Variants in CTSO observed in about 807,000 individuals in gnomAD.
CTSO encodes cathepsin O.
In CTSO, 40 loss-of-function variants were observed where a neutral mutation model predicts 42.4. The ratio of observed to expected loss-of-function variants is 0.94; its 90% CI spans 0.73 to 1.23. CTSO has a LOEUF of 1.23. Among genes scored for constraint, CTSO ranks in the 50% most tolerant of loss-of-function variants. The probability of loss-of-function intolerance (pLI) is 0.00; values close to 1 mark genes in which losing one functional copy is unlikely to be tolerated. For missense variants in CTSO, 441 were observed against 396.0 expected (o/e 1.11, Z -0.96); for synonymous variants, 156 against 146.2 (o/e 1.07, Z -0.48).
At chr4:155,942,287 G>A in intron 3 of CTSO, 30 bp downstream of exon 3, 1 of 1,531,050 alleles carries the variant, frequency 6.5e-7, no homozygotes, top group Non-Finnish European at 8.8e-7. Context: ...ATGCTTAGAT[G>A]ATTAGAAAAG....
chr4:155,949,293 T>C (rs112859066), intron 1 of CTSO, among the ~76,000 whole-genome samples: 2,674 of 152,330 alleles, frequency 0.018, 41 homozygotes, highest in Non-Finnish European at 0.028. Context: ...GCAAGAAATC[T>C]ACTGAAGCGT....
intron 2 of CTSO, 32 bp downstream of exon 2, chr4:155,943,124 G>A (rs867301072): frequency 3.9e-6 from 5 of 1,295,654 alleles, no homozygotes; most frequent in Non-Finnish European, 5.5e-6. Flanking sequence ...TTAAAATCAG[G>A]AAACCACCTA....
At chr4:155,945,715 C>A (rs1271428321) in intron 1 of CTSO, among the ~76,000 whole-genome samples, 1 of 152,130 alleles carries the variant, frequency 6.6e-6, no homozygotes, top group Non-Finnish European at 1.5e-5. Context: ...AACTACATAC[C>A]AGTATCCCTC....
intron 5 of CTSO, among the ~76,000 whole-genome samples, chr4:155,932,401 C>T (rs565979220): frequency 6.6e-6 from 1 of 152,208 alleles, no homozygotes; most frequent in South Asian, 2.1e-4. Context: ...ATCCACCATA[C>T]ATGGAAATAA....
chr4:155,944,159 T>C (rs909470159), intron 1 of CTSO, among the ~76,000 whole-genome samples: 19 of 152,224 alleles, frequency 1.2e-4, no homozygotes, highest in Admixed American at 6.5e-5. Context: ...TGACACACAA[T>C]AGATCCTTGA....
chr4:155,931,645 T>C (rs1215217967), intron 5 of CTSO, among the ~76,000 whole-genome samples: 1 of 152,102 alleles, frequency 6.6e-6, no homozygotes, highest in Non-Finnish European at 1.5e-5. Flanking sequence ...TAATTTCCAT[T>C]ATTAACCCAA....
At chr4:155,929,430 T>A in intron 6 of CTSO, 112 bp downstream of exon 6, 3 of 1,063,340 alleles carry the variant, frequency 2.8e-6, no homozygotes, top group Non-Finnish European at 4.0e-6. Flanking sequence ...GTGAAGGTCT[T>A]ATGAGGACTT....
intron 5 of CTSO, among the ~76,000 whole-genome samples, chr4:155,935,153 G>A (rs930663541): frequency 6.6e-6 from 1 of 152,080 alleles, no homozygotes; most frequent in Non-Finnish European, 1.5e-5. Flanking sequence ...GGGTTTATCG[G>A]GGGTTACGCT....
chr4:155,928,344 T>C lies in CTSO; in HGVS notation c.923A>G (p.Asn308Ser), dbSNP rs752109298. ...ACAAACTCATGACTTACCACAAACA[T>C]TACTTCCCATTTTGACATGGGCATA... ...DGYAHVKMGS[N>S]VCGIADSVSS... Residue 308 changes from asparagine to serine, a missense_variant, in exon 7 of 8, where the codon AAT becomes AGT. Coordinates refer to ENST00000433477, the MANE Select transcript of CTSO (RefSeq NM_001334.3). 1.2e-5 allele frequency: 20 copies of C among 1,610,500 alleles called. No homozygotes were observed. Among genetic ancestry groups the C allele is most frequent in the African/African-American group, 4.0e-5 (3 of 74,794 alleles).
At chr4:155,932,770 G>A (rs563311901) in intron 5 of CTSO, among the ~76,000 whole-genome samples, 11 of 152,168 alleles carry the variant, frequency 7.2e-5, no homozygotes, top group Admixed American at 3.9e-4. Flanking sequence ...CTGCTGCCCC[G>A]GTTCTCTCAT....
intron 3 of CTSO, among the ~76,000 whole-genome samples, chr4:155,941,163 G>A (rs1259987371): frequency 6.6e-6 from 1 of 152,216 alleles, no homozygotes; most frequent in Non-Finnish European, 1.5e-5. Flanking sequence ...CGAAACAGCT[G>A]GCACCAAAAC....
chr4:155,927,013 A>T (rs1446712537), intron 7 of CTSO, among the ~76,000 whole-genome samples: 2 of 152,138 alleles, frequency 1.3e-5, no homozygotes, highest in Admixed American at 6.5e-5. Flanking sequence ...AGTTCCAAAG[A>T]TGTACGAGTC....
intron 1 of CTSO, among the ~76,000 whole-genome samples, chr4:155,952,955 G>A (rs1416135194): frequency 6.6e-6 from 1 of 152,000 alleles, no homozygotes; most frequent in African/African-American, 2.4e-5. Flanking sequence ...CACTAAATCG[G>A]CATCCCTTGC....
At chr4:155,943,369 G>C (rs1743475217) in intron 1 of CTSO, 105 bp from the exon 2 acceptor site, 2 of 604,012 alleles carry the variant, frequency 3.3e-6, no homozygotes, top group South Asian at 5.3e-5. Context: ...GTTAAAGCTT[G>C]ATTTCCTTCA....
intron 5 of CTSO, among the ~76,000 whole-genome samples, chr4:155,931,109 C>A (rs1169990725): frequency 2.0e-5 from 3 of 152,096 alleles, no homozygotes; most frequent in Non-Finnish European, 4.4e-5. Flanking sequence ...AAGTTTTACT[C>A]CAAGTTTACA....
At chr4:155,933,316 T>A (rs1225311336) in intron 5 of CTSO, among the ~76,000 whole-genome samples, 1 of 152,104 alleles carries the variant, frequency 6.6e-6, no homozygotes, top group Non-Finnish European at 1.5e-5. Flanking sequence ...ATGTAAGAAG[T>A]GCCTTTCTCC....
rs780142530 is a variant in CTSO at position 155,943,223 on chromosome 4, G to T, written c.177C>A (p.Pro59=). The change falls in exon 2 of 8, where the codon CCC becomes CCA. Residue 59 remains proline (P), a synonymous_variant. Transcript: ENST00000433477. ...CATAGAAGGCGGTGGAGTTTTCACT[G>T]GGAAATAAAGAATTCAAGTATCGAT... The part of the protein sequence containing the change: ...NRHRYLNSLF[P]SENSTAFYGI... The T allele has an allele frequency of 6.2e-7, 1 of 1,611,720 alleles. No homozygotes were observed. The highest frequency in any genetic ancestry group is 2.2e-5 in the East Asian group (1 of 44,750).
At chr4:155,949,829 C>T (rs542263239) in intron 1 of CTSO, among the ~76,000 whole-genome samples, 1 of 152,262 alleles carries the variant, frequency 6.6e-6, no homozygotes, top group Non-Finnish European at 1.5e-5. Flanking sequence ...CCTCATTTGT[C>T]ATACTGGGGA....
rs1049271456 is a variant in CTSO, at chr4:155,925,809, T to C, written c.*227A>G. ...CGTCTCAGGACAGGAAACTATTCCA[T>C]AGGCTTCCTCGCAGGCTTCTGTGCT... On this transcript the variant is annotated 3_prime_UTR_variant, in exon 8 of 8. Coordinates refer to ENST00000433477, the MANE Select transcript of CTSO (RefSeq NM_001334.3). 1 of 496,214 alleles carries C rather than the reference T, an allele frequency of 2.0e-6. No individual in the cohort carries two copies. Among genetic ancestry groups the C allele is most frequent in the African/African-American group, 2.0e-5 (1 of 49,522 alleles). 30.7% of individuals were successfully genotyped at this position (496,214 alleles called of 1,614,324 possible).
Sources: allele counts gnomAD v4.1 joint callset (sites outside exome capture counted in the v4.1 genomes callset), GRCh38; gene constraint gnomAD v4.1.1; transcripts MANE v1.5; gene names NCBI Gene and HGNC (gene_info 2026-07-23, HGNC 2026-07-21).